Variants in TRPM6 observed in about 807,000 individuals in gnomAD.
TRPM6 encodes channel kinase 2.
In TRPM6, 111 loss-of-function variants were observed where a neutral mutation model predicts 247.6. The ratio of observed to expected loss-of-function variants is 0.45; its 90% CI spans 0.38 to 0.52. TRPM6 has a LOEUF of 0.52. Among genes scored for constraint, TRPM6 ranks in the 20% least tolerant of loss-of-function variants. TRPM6 has a pLI of 0.00. For synonymous variants in TRPM6, 892 were observed against 853.8 expected (o/e 1.04, Z -0.78); for missense variants, 2,126 against 2,421.5 (o/e 0.88, Z 2.56).
At chr9:74,747,811 A>G in intron 31 of TRPM6, 78 bp downstream of exon 31, 1 of 1,234,826 alleles carries the variant, frequency 8.1e-7, no homozygotes, top group Non-Finnish European at 1.2e-6. Context: ...AGAATGACAA[A>G]AATATCAGCA....
At chr9:74,861,918 A>G (rs1443979108) in intron 1 of TRPM6, among the ~76,000 whole-genome samples, 1 of 152,022 alleles carries the variant, frequency 6.6e-6, no homozygotes, top group African/African-American at 2.4e-5. Flanking sequence ...AGTCATTTCT[A>G]TTGCCCCAGG....
At chr9:74,823,755 A>T (rs1460350662) in intron 7 of TRPM6, among the ~76,000 whole-genome samples, 1 of 152,242 alleles carries the variant, frequency 6.6e-6, no homozygotes, top group Non-Finnish European at 1.5e-5. Flanking sequence ...TTGTAAGTGA[A>T]TTTTTTGTAT....
In TRPM6 at chr9:74,742,552, G is replaced by A. The variant is rs1364731784; in HGVS notation, c.5200+9C>T. On this transcript the variant is annotated intron_variant, in intron 33 of 38. Coordinates refer to ENST00000360774, the MANE Select transcript of TRPM6 (RefSeq NM_017662.5). ...GGCATAAACTCAAGAAGGTAGAAAT[G>A]CTACTCACCAAACAGTTGGACTGGT... is the stretch of plus-strand genomic sequence containing the variant. 1.2e-6 allele frequency: 2 copies of A among 1,612,926 alleles called. No homozygotes were observed. The highest frequency in any genetic ancestry group is 2.2e-5 in the East Asian group (1 of 44,834).
intron 1 of TRPM6, among the ~76,000 whole-genome samples, chr9:74,867,974 G>A (rs900345138): frequency 6.6e-6 from 1 of 151,716 alleles, no homozygotes; most frequent in Non-Finnish European, 1.5e-5. Context: ...CCAACATGGC[G>A]AAACCCCAAC....
At chr9:74,846,979 T>C (rs952379655) in intron 3 of TRPM6, among the ~76,000 whole-genome samples, 2 of 152,184 alleles carry the variant, frequency 1.3e-5, no homozygotes, top group Non-Finnish European at 2.9e-5. Context: ...AAACCACACA[T>C]GGCTCCATGC....
intron 23 of TRPM6, 138 bp downstream of exon 23, chr9:74,782,224 T>C: frequency 1.6e-6 from 1 of 644,662 alleles, no homozygotes. Flanking sequence ...TAGTTTTATG[T>C]GCATATTTCA....
Position 74,752,166 on chromosome 9 carries a change from T to C in TRPM6, c.4998+111A>G. 4 of 675,670 alleles carry C rather than the reference T, an allele frequency of 5.9e-6. No individual in the cohort carries two copies. In the South Asian group the frequency reaches 6.5e-5, roughly 11 times the overall value. 41.9% of individuals were successfully genotyped at this position (675,670 alleles called of 1,614,324 possible). On this transcript the variant is annotated intron_variant, in intron 29 of 38. Transcript: ENST00000360774. ...GCTTCAAAACAAAGATTAAGCAGAC[T>C]GTCAATAAAAAGTAGAAGCCAATTA...
intron 21 of TRPM6, among the ~76,000 whole-genome samples, chr9:74,783,676 G>GA (rs1247406094): frequency 6.6e-6 from 1 of 152,176 alleles, no homozygotes; most frequent in Non-Finnish European, 1.5e-5. Context: ...CTAAGTCATT[G>GA]AAATATATTG....
intron 14 of TRPM6, chr9:74,804,538 C>T (rs1313721495): frequency 5.5e-6 from 4 of 732,302 alleles, no homozygotes; most frequent in East Asian, 5.0e-5. Context: ...CAGGCTGCTG[C>T]TGCAAACGCG....
intron 37 of TRPM6, 114 bp downstream of exon 37, chr9:74,732,571 T>C: frequency 1.2e-6 from 1 of 810,616 alleles, no homozygotes; most frequent in African/African-American, 1.7e-5. Flanking sequence ...ATAAGCTACC[T>C]AAAAACCTTT....
At chr9:74,800,075 C>T (rs1587519808) in intron 17 of TRPM6, 179 bp downstream of exon 17, 3 of 647,528 alleles carry the variant, frequency 4.6e-6, no homozygotes, top group Non-Finnish European at 8.2e-6. Flanking sequence ...TAGAGGAAGA[C>T]CAATCTTCTG....
chr9:74,756,360 C>G (rs1826429019), intron 27 of TRPM6, among the ~76,000 whole-genome samples: 1 of 151,982 alleles, frequency 6.6e-6, no homozygotes, highest in Non-Finnish European at 1.5e-5. Context: ...TAAGTGTAAA[C>G]ATTTTTTAAA....
chr9:74,779,026 G>A (rs1279846985), intron 23 of TRPM6, among the ~76,000 whole-genome samples: 3 of 152,132 alleles, frequency 2.0e-5, no homozygotes, highest in Non-Finnish European at 4.4e-5. Context: ...TCCCCTGAGA[G>A]CAAACGGGCA....
At chr9:74,812,237 T>C (rs1828756706) in intron 12 of TRPM6, 62 bp downstream of exon 12, 2 of 1,608,128 alleles carry the variant, frequency 1.2e-6, no homozygotes, top group Admixed American at 1.7e-5. Context: ...CATGGTCTGC[T>C]TGATGATCCT....
chr9:74,769,984 G>A (rs1223319093), intron 25 of TRPM6, among the ~76,000 whole-genome samples: 8 of 152,174 alleles, frequency 5.3e-5, no homozygotes, highest in South Asian at 4.1e-4. Context: ...GGCGCAGAAC[G>A]TGTAGAAGAA....
chr9:74,801,771 G>C, intron 16 of TRPM6, 127 bp downstream of exon 16: 1 of 1,176,634 alleles, frequency 8.5e-7, no homozygotes, highest in Non-Finnish European at 1.2e-6. Flanking sequence ...CCTTTTAACA[G>C]GAGAGTCCAT....
rs149785669 is a variant in TRPM6, at chr9:74,884,134, A to G, written c.33+3690T>C. On this transcript the variant is annotated intron_variant, in intron 1 of 38. Transcript: ENST00000360774. ...ATTGCACTCCAGCCTGGGCAACAAG[A>G]GCAAAACTCCATCTCAAAAAATAAA... 7.8e-3 allele frequency among the ~76,000 whole-genome samples: 1,181 copies of G among 150,488 alleles called. 20 individuals are homozygous for G. The highest frequency in any genetic ancestry group is 0.027 in the African/African-American group (1,108 of 40,848).
intron 27 of TRPM6, among the ~76,000 whole-genome samples, chr9:74,758,421 T>C (rs937725820): frequency 6.6e-6 from 1 of 152,104 alleles, no homozygotes; most frequent in Non-Finnish European, 1.5e-5. Context: ...AAAAAATACA[T>C]CATGACCAAG....
chr9:74,750,626 C>T lies in TRPM6; in HGVS notation c.5057+38G>A, dbSNP rs534773595. 3.1e-6 allele frequency: 5 copies of T among 1,595,476 alleles called. No homozygotes were observed. The Admixed American group carries it at 8.3e-5, about 27-fold the overall frequency. On this transcript the variant is annotated intron_variant, in intron 30 of 38. Coordinates refer to ENST00000360774, the MANE Select transcript of TRPM6 (RefSeq NM_017662.5). ...CCTAACCAAGTTAAAAAAATGGAAG[C>T]CAAAGATTCTTAAACATAAACATTT...
Sources: allele counts gnomAD v4.1 joint callset (sites outside exome capture counted in the v4.1 genomes callset), GRCh38; gene constraint gnomAD v4.1.1; transcripts MANE v1.5; gene names NCBI Gene and HGNC (gene_info 2026-07-23, HGNC 2026-07-21).